L2HGDH: variants seen among roughly 807,000 people sequenced by gnomAD.
The protein encoded by L2HGDH is L-2-hydroxyglutarate dehydrogenase, also known as L-2-hydroxyglutarate dehydrogenase, mitochondrial.
L2HGDH carries 34 observed loss-of-function variants against 51.5 expected under a neutral mutation model. The observed-to-expected ratio is 0.66, with a 90% CI of 0.50 to 0.88. L2HGDH has a LOEUF of 0.88. Among genes scored for constraint, L2HGDH ranks in the 40% least tolerant of loss-of-function variants. L2HGDH has a pLI of 0.00. For synonymous variants in L2HGDH, 198 were observed against 197.9 expected, an observed-to-expected ratio of 1.00 and a Z score of -0.01; for missense variants, 558 against 571.9, an observed-to-expected ratio of 0.98 and a Z score of 0.25.
chr14:50,285,697 T>C (rs1483726753), intron 4 of L2HGDH, among the ~76,000 whole-genome samples: 1 of 152,208 alleles, frequency 6.6e-6, no homozygotes, highest in East Asian at 1.9e-4. Flanking sequence ...CAATTCCAAA[T>C]AGCTTCCTTA....
chr14:50,296,211 A>AT (rs1488915636), intron 3 of L2HGDH, among the ~76,000 whole-genome samples: 1 of 151,782 alleles, frequency 6.6e-6, no homozygotes, highest in African/African-American at 2.4e-5. Context: ...TCCCTACAAA[A>AT]AAATACAAAA....
At chr14:50,307,062 C>A (rs971105823) in intron 1 of L2HGDH, among the ~76,000 whole-genome samples, 2 of 152,098 alleles carry the variant, frequency 1.3e-5, no homozygotes, top group African/African-American at 4.8e-5. Context: ...GTGATCCACC[C>A]GCCTCGGCCT....
In L2HGDH at chr14:50,270,053, G is replaced by C. The variant is rs189319848; in HGVS notation, c.739-723C>G. On this transcript the variant is annotated intron_variant, in intron 6 of 9. Coordinates refer to ENST00000267436, the MANE Select transcript of L2HGDH (RefSeq NM_024884.3). ...TCACACTCAATAATCCTGCCCAGTT[G>C]CAACTGTAACCTACCCACCAAGCAA... is the stretch of plus-strand genomic sequence containing the variant. Among the ~76,000 whole-genome samples the C allele has an allele frequency of 6.4e-3, 968 of 152,202 alleles. 6 individuals are homozygous for C. Among genetic ancestry groups the C allele is most frequent in the Non-Finnish European group, 8.6e-3 (588 of 68,010 alleles).
intron 4 of L2HGDH, among the ~76,000 whole-genome samples, chr14:50,290,537 T>G (rs1227611119): frequency 6.6e-6 from 1 of 152,244 alleles, no homozygotes; most frequent in Non-Finnish European, 1.5e-5. Context: ...TTTTTGACTA[T>G]CTAGGCTTAT....
intron 3 of L2HGDH, among the ~76,000 whole-genome samples, chr14:50,299,258 A>C (rs557542156): frequency 7.2e-5 from 11 of 152,310 alleles, no homozygotes; most frequent in African/African-American, 2.4e-4. Context: ...CATACAACCT[A>C]CCAAGATTGA....
At chr14:50,300,234 A>G (rs1275626653) in intron 3 of L2HGDH, among the ~76,000 whole-genome samples, 1 of 149,824 alleles carries the variant, frequency 6.7e-6, no homozygotes, top group Admixed American at 6.7e-5. Flanking sequence ...TTTGCATCAT[A>G]AAAAAAAAAT....
intron 4 of L2HGDH, among the ~76,000 whole-genome samples, chr14:50,288,090 C>T (rs1229816842): frequency 6.6e-6 from 1 of 152,090 alleles, no homozygotes; most frequent in Non-Finnish European, 1.5e-5. Context: ...TATCAATCAC[C>T]TCAAACATTT....
intron 1 of L2HGDH, among the ~76,000 whole-genome samples, chr14:50,306,662 T>C (rs1201440162): frequency 1.3e-5 from 2 of 151,008 alleles, no homozygotes; most frequent in South Asian, 2.1e-4. Context: ...AAGCTGACTC[T>C]GGCTGCTGCG....
intron 1 of L2HGDH, chr14:50,311,442 G>A (rs1267416002): frequency 1.3e-5 from 6 of 455,890 alleles, no homozygotes; most frequent in East Asian, 6.9e-5. Context: ...TTCTACAGAG[G>A]ACAGAGAAAG....
chr14:50,309,664 G>T (rs915101948), intron 1 of L2HGDH, among the ~76,000 whole-genome samples: 4 of 149,948 alleles, frequency 2.7e-5, no homozygotes, highest in African/African-American at 4.9e-5. Flanking sequence ...TAACCTTGTG[G>T]CAATAGAATA....
Position 50,244,718 on chromosome 14 carries a change from G to A in L2HGDH, c.*2340C>T, listed in dbSNP as rs185928940. ...GTAGCCTTTCAAATTAATGGATGAG[G>A]TAGCTCAATCAATGTAATCATCAAT... On this transcript the variant is annotated 3_prime_UTR_variant, in exon 10 of 10. Transcript: ENST00000267436. The A allele has an allele frequency of 7.2e-5, 71 of 985,416 alleles. No homozygotes were observed. In the Middle Eastern group the frequency reaches 2.1e-3, roughly 29 times the overall value. The allele number at this position is 985,416 out of a possible 1,614,324, so 61.0% of individuals were successfully genotyped here. A position where few individuals can be genotyped will look rare whatever the true frequency, so the allele number is the denominator to read the frequency against.
At chr14:50,287,928 C>T (rs147551315) in intron 4 of L2HGDH, among the ~76,000 whole-genome samples, 274 of 151,964 alleles carry the variant, frequency 1.8e-3, no homozygotes, top group Middle Eastern at 6.8e-3. Context: ...GAATTCCTGA[C>T]CTCAAATGAT....
At chr14:50,256,833 A>G (rs1888694145) in intron 9 of L2HGDH, among the ~76,000 whole-genome samples, 1 of 152,178 alleles carries the variant, frequency 6.6e-6, no homozygotes, top group Admixed American at 6.6e-5. Context: ...TCAATTCTAG[A>G]AAATTTTTAA....
At chr14:50,292,188 A>C (rs1166982534) in intron 4 of L2HGDH, among the ~76,000 whole-genome samples, 1 of 152,212 alleles carries the variant, frequency 6.6e-6, no homozygotes. Context: ...AAAGGGAGGG[A>C]TATATGAAGT....
chr14:50,286,488 T>A (rs1211739863), intron 4 of L2HGDH, among the ~76,000 whole-genome samples: 3 of 152,200 alleles, frequency 2.0e-5, no homozygotes, highest in Non-Finnish European at 4.4e-5. Context: ...TAGAGCTGCC[T>A]TGGTAAACTT....
chr14:50,271,220 A>G (rs1889669255), intron 6 of L2HGDH, among the ~76,000 whole-genome samples: 1 of 152,230 alleles, frequency 6.6e-6, no homozygotes, highest in Non-Finnish European at 1.5e-5. Context: ...TAGAAATATG[A>G]GAAGTATTTT....
chr14:50,258,488 G>T (rs941835061), intron 9 of L2HGDH, among the ~76,000 whole-genome samples: 8 of 151,194 alleles, frequency 5.3e-5, no homozygotes, highest in Non-Finnish European at 8.8e-5. Flanking sequence ...CTCCCAAAGT[G>T]CTGGGATTAT....
chr14:50,292,519 C>T (rs1238288624), intron 4 of L2HGDH, among the ~76,000 whole-genome samples: 1 of 152,144 alleles, frequency 6.6e-6, no homozygotes, highest in African/African-American at 2.4e-5. Context: ...CCAGCCTGAC[C>T]AACGTGGAGA....
In L2HGDH at chr14:50,287,110, A is replaced by G. The variant is rs938444559; in HGVS notation, c.541-3077T>C. On this transcript the variant is annotated intron_variant, in intron 4 of 9. Coordinates refer to ENST00000267436, the MANE Select transcript of L2HGDH (RefSeq NM_024884.3). ...AAAGTAAAGTTTCTTCATTTATAAG[A>G]CACAAAAATATGTGTAATACATATA... is the stretch of plus-strand genomic sequence containing the variant. The G allele has an allele frequency of 3.4e-6, 3 of 870,854 alleles. No individual in the cohort carries two copies. In the African/African-American group the frequency reaches 5.5e-5, roughly 16 times the overall value. The allele number at this position is 870,854 out of a possible 1,614,324, so 53.9% of individuals were successfully genotyped here. A position where few individuals can be genotyped will look rare whatever the true frequency, so the allele number is the denominator to read the frequency against.
Sources: gnomAD v4.1 joint callset for allele counts (sites outside exome capture counted in the v4.1 genomes callset) on GRCh38, gnomAD v4.1.1 for gene constraint, MANE v1.5 for transcripts, NCBI Gene and HGNC (gene_info 2026-07-23, HGNC 2026-07-21) for gene names.